Variants in TCF7 observed in about 807,000 individuals in gnomAD.
TCF7 encodes T-cell-factor-7.
Under a neutral mutation model 46.8 loss-of-function variants are expected in TCF7, and 19 were observed. The observed-to-expected ratio is 0.41, with a 90% CI of 0.28 to 0.60. The LOEUF (loss-of-function observed/expected upper bound fraction) is 0.60, where lower values mean the gene tolerates loss of function less well. Ranked by LOEUF, TCF7 falls within the 20% of genes least tolerant of loss-of-function variation. TCF7 has a pLI of 0.35. For synonymous variants in TCF7, 245 were observed against 213.4 expected, an observed-to-expected ratio of 1.15 and a Z score of -1.29; for missense variants, 547 against 504.6, an observed-to-expected ratio of 1.08 and a Z score of -0.81.
chr5:134,147,168 T>A lies in TCF7; in HGVS notation c.*865T>A, dbSNP rs1367054776. On this transcript the variant is annotated 3_prime_UTR_variant, in exon 10 of 10. Coordinates refer to ENST00000342854, the MANE Select transcript of TCF7 (RefSeq NM_003202.5). Reference sequence around the variant, plus strand: ...CTATCAACCTAAGCAACAGAAATAATCTGACACTACCTTATCAGGCAAATT... The same window carrying A: ...CTATCAACCTAAGCAACAGAAATAAACTGACACTACCTTATCAGGCAAATT... 6.6e-6 allele frequency: 1 copy of A among 152,332 alleles called. No homozygotes were observed. Among genetic ancestry groups the A allele is most frequent in the East Asian group, 1.9e-4 (1 of 5,200 alleles). The allele number at this position is 152,332 out of a possible 1,614,324, so 9.4% of individuals were successfully genotyped here.
intron 3 of TCF7, among the ~76,000 whole-genome samples, chr5:134,129,308 C>A (rs1757786601): frequency 6.6e-6 from 1 of 152,180 alleles, no homozygotes; most frequent in South Asian, 2.1e-4. Context: ...TTCTGCAAAG[C>A]CCCCAGGGAA....
At chr5:134,116,615 C>A (rs1755874322) in intron 3 of TCF7, among the ~76,000 whole-genome samples, 1 of 152,172 alleles carries the variant, frequency 6.6e-6, no homozygotes, top group African/African-American at 2.4e-5. Context: ...CTCAGACATA[C>A]CAGGAAGGGT....
intron 3 of TCF7, among the ~76,000 whole-genome samples, chr5:134,119,736 C>G (rs144768162): frequency 6.6e-6 from 1 of 152,236 alleles, no homozygotes; most frequent in Non-Finnish European, 1.5e-5. Context: ...GAGCAAGGCT[C>G]CAGCAGAGGA....
rs1760907825 is a variant in TCF7 at position 134,148,021 on chromosome 5, C to T, written c.*1718C>T. The T allele has an allele frequency of 6.6e-6, 1 of 151,044 alleles. No individual in the cohort carries two copies. Among genetic ancestry groups the T allele is most frequent in the African/African-American group, 2.4e-5 (1 of 40,998 alleles). The allele number at this position is 151,044 out of a possible 1,614,324, so 9.4% of individuals were successfully genotyped here. A position where few individuals can be genotyped will look rare whatever the true frequency, so the allele number is the denominator to read the frequency against. On this transcript the variant is annotated 3_prime_UTR_variant, in exon 10 of 10. Transcript: ENST00000342854. ...AAGGGCTGTCCATGTATTCACACAC[C>T]CCTCAAAAAAAGCCTTTAGTTCCTA...
intron 3 of TCF7, chr5:134,137,830 G>A (rs950760281): frequency 1.0e-5 from 4 of 398,666 alleles, no homozygotes; most frequent in African/African-American, 4.1e-5. Context: ...GGAATTGAGT[G>A]CCCAGAAAGA....
intron 7 of TCF7, 43 bp downstream of exon 7, chr5:134,142,926 C>G (rs1487143132): frequency 1.2e-6 from 2 of 1,611,100 alleles, no homozygotes; most frequent in Non-Finnish European, 1.7e-6. Flanking sequence ...GCTCCCCGAC[C>G]ATCTTCAGCC....
chr5:134,117,579 T>G (rs1364967806), intron 3 of TCF7, among the ~76,000 whole-genome samples: 1 of 152,206 alleles, frequency 6.6e-6, no homozygotes, highest in African/African-American at 2.4e-5. Flanking sequence ...TCTCATGGTG[T>G]GGGCAAGTGC....
intron 3 of TCF7, among the ~76,000 whole-genome samples, chr5:134,126,721 A>T (rs1002455778): frequency 4.6e-5 from 7 of 151,918 alleles, no homozygotes; most frequent in Non-Finnish European, 8.8e-5. Flanking sequence ...ACATGGTGAA[A>T]CCCCGTCTCT....
intron 3 of TCF7, 53 bp from the exon 4 acceptor site, chr5:134,138,006 T>C (rs249610): frequency 0.18 from 261,418 of 1,429,050 alleles, 30,823 homozygotes; most frequent in Admixed American, 0.45. Flanking sequence ...CATCCCAGTG[T>C]CTTCCTCCCT....
At chr5:134,122,784 G>A (rs1294533011) in intron 3 of TCF7, among the ~76,000 whole-genome samples, 1 of 152,202 alleles carries the variant, frequency 6.6e-6, no homozygotes, top group African/African-American at 2.4e-5. Flanking sequence ...CTCTGGTGGA[G>A]GAAACAGGTG....
intron 5 of TCF7, chr5:134,140,831 G>A: frequency 2.2e-6 from 1 of 455,140 alleles, no homozygotes; most frequent in Non-Finnish European, 4.4e-6. Flanking sequence ...TCCCCTTCCT[G>A]CGGATATAGA....
At chr5:134,135,220 A>G (rs941624076) in intron 3 of TCF7, among the ~76,000 whole-genome samples, 1 of 152,230 alleles carries the variant, frequency 6.6e-6, no homozygotes, top group African/African-American at 2.4e-5. Flanking sequence ...TCAGCCTCCC[A>G]AAGTGCTGGG....
Position 134,138,603 on chromosome 5 carries a change from A to T in TCF7, c.548-348A>T, listed in dbSNP as rs527806463. ...GGGGCAGGTGGAGCCTTGGCTCCCCAGGCTGGGCTCCCCTAGACCAGGGGC... is the reference window on the plus strand; with the variant it reads ...GGGGCAGGTGGAGCCTTGGCTCCCCTGGCTGGGCTCCCCTAGACCAGGGGC... On this transcript the variant is annotated intron_variant, in intron 4 of 9. Coordinates refer to ENST00000342854, the MANE Select transcript of TCF7 (RefSeq NM_003202.5). 3 of 287,486 alleles carry T rather than the reference A, an allele frequency of 1.0e-5. No homozygotes were observed. In the South Asian group the frequency reaches 2.3e-4, roughly 22 times the overall value. The allele number at this position is 287,486 out of a possible 1,614,324, so 17.8% of individuals were successfully genotyped here.
At chr5:134,143,776 C>A in intron 9 of TCF7, 136 bp downstream of exon 9, 1 of 909,924 alleles carries the variant, frequency 1.1e-6, no homozygotes, top group Non-Finnish European at 1.7e-6. Context: ...AAAACAAGGC[C>A]TGCATCTCAC....
intron 9 of TCF7, 105 bp from the exon 10 acceptor site, chr5:134,146,119 G>A (rs1333024250): frequency 6.8e-6 from 11 of 1,608,958 alleles, no homozygotes; most frequent in South Asian, 2.2e-5. Flanking sequence ...CAGGAAGAGA[G>A]GACAAGGAAT....
chr5:134,137,739 C>T, intron 3 of TCF7: 1 of 227,724 alleles, frequency 4.4e-6, no homozygotes, highest in Non-Finnish European at 8.5e-6. Context: ...GGGCTGGAGG[C>T]TATAAGCAAC....
At chr5:134,119,894 T>C (rs1756340353) in intron 3 of TCF7, among the ~76,000 whole-genome samples, 1 of 152,220 alleles carries the variant, frequency 6.6e-6, no homozygotes, top group South Asian at 2.1e-4. Context: ...GCACCAGCCC[T>C]GGTTGCAGTG....
rs1230096019 is a variant in TCF7, at chr5:134,146,994, A to G, written c.*691A>G. 1 of 166,628 alleles carries G rather than the reference A, an allele frequency of 6.0e-6. No homozygotes were observed. The highest frequency in any genetic ancestry group is 1.3e-5 in the Non-Finnish European group (1 of 78,410). The allele number at this position is 166,628 out of a possible 1,614,324, so 10.3% of individuals were successfully genotyped here. On this transcript the variant is annotated 3_prime_UTR_variant, in exon 10 of 10. Transcript: ENST00000342854. Reference sequence around the variant, plus strand: ...TCACAAGCACAAAGCTCAAGATGACAGCTCTTCTAAGGAAATGGAGAAGCT... The same window carrying G: ...TCACAAGCACAAAGCTCAAGATGACGGCTCTTCTAAGGAAATGGAGAAGCT...
intron 3 of TCF7, among the ~76,000 whole-genome samples, chr5:134,129,855 C>G (rs1388563781): frequency 1.3e-5 from 2 of 152,238 alleles, no homozygotes. Context: ...GCCACACGCA[C>G]CTAGCAGAGC....
Sources: allele counts gnomAD v4.1 joint callset (sites outside exome capture counted in the v4.1 genomes callset), GRCh38; gene constraint gnomAD v4.1.1; transcripts MANE v1.5; gene names NCBI Gene and HGNC (gene_info 2026-07-23, HGNC 2026-07-21).